The following SNTG1 variants were observed in gnomAD, a reference collection of about 807,000 sequenced individuals.
The protein encoded by SNTG1 is gamma-1-syntrophin.
In SNTG1, 39 loss-of-function variants were observed where a neutral mutation model predicts 74.7. The ratio of observed to expected loss-of-function variants is 0.52; its 90% CI spans 0.40 to 0.68. The LOEUF (loss-of-function observed/expected upper bound fraction) is 0.68. SNTG1 is among the 30% of genes least tolerant of loss of function. SNTG1 has a pLI of 0.00. For missense variants in SNTG1, 685 were observed against 609.5 expected, an observed-to-expected ratio of 1.12 and a Z score of -1.30; for synonymous variants, 254 against 217.1, an observed-to-expected ratio of 1.17 and a Z score of -1.49.
chr8:50,746,839 T>C (rs1216409894), intron 17 of SNTG1, among the ~76,000 whole-genome samples: 1 of 147,756 alleles, frequency 6.8e-6, no homozygotes, highest in Non-Finnish European at 1.5e-5. Context: ...ATATATATAA[T>C]ATATAATATA....
chr8:49,918,660 G>T (rs1049039464), intron 1 of SNTG1, among the ~76,000 whole-genome samples: 2 of 151,958 alleles, frequency 1.3e-5, no homozygotes, highest in African/African-American at 4.8e-5. Flanking sequence ...CCACACAACC[G>T]CACAAACACA....
intron 1 of SNTG1, among the ~76,000 whole-genome samples, chr8:49,912,696 A>G (rs12549981): frequency 0.5 from 76,261 of 152,002 alleles, 22,273 homozygotes; most frequent in East Asian, 0.83. Flanking sequence ...ACATGTATAC[A>G]TATACACCAG....
intron 11 of SNTG1, among the ~76,000 whole-genome samples, chr8:50,549,626 G>A (rs2094411872): frequency 6.6e-6 from 1 of 152,100 alleles, no homozygotes; most frequent in Admixed American, 6.6e-5. Context: ...AGCAAGATAT[G>A]TGAGTTATCA....
chr8:50,620,062 G>A (rs1231765536), intron 13 of SNTG1, among the ~76,000 whole-genome samples: 5 of 152,146 alleles, frequency 3.3e-5, no homozygotes, highest in Non-Finnish European at 2.9e-5. Context: ...GCTAATCCAG[G>A]TGTGGGCAGG....
chr8:50,748,827 A>T (rs959485134), intron 17 of SNTG1, among the ~76,000 whole-genome samples: 3 of 152,028 alleles, frequency 2.0e-5, no homozygotes, highest in African/African-American at 7.2e-5. Context: ...AACCAAAAAG[A>T]TGTGTGTTCT....
intron 8 of SNTG1, among the ~76,000 whole-genome samples, chr8:50,467,795 T>C (rs111616574): frequency 0.018 from 2,750 of 152,056 alleles, 96 homozygotes; most frequent in African/African-American, 0.063. Flanking sequence ...CTCTAAGCAC[T>C]GCTTTGCCTG....
intron 2 of SNTG1, among the ~76,000 whole-genome samples, chr8:50,316,701 A>G (rs2090329805): frequency 6.6e-6 from 1 of 152,296 alleles, no homozygotes; most frequent in Non-Finnish European, 1.5e-5. Flanking sequence ...ATGTAATTCT[A>G]ATCTAGATAA....
chr8:50,036,897 C>A (rs1328936131), intron 1 of SNTG1, among the ~76,000 whole-genome samples: 1 of 152,132 alleles, frequency 6.6e-6, no homozygotes, highest in Non-Finnish European at 1.5e-5. Flanking sequence ...GGATTACACA[C>A]TTAAGAAATA....
intron 15 of SNTG1, among the ~76,000 whole-genome samples, chr8:50,660,404 A>T (rs2095214712): frequency 8.5e-5 from 1 of 11,704 alleles, no homozygotes; most frequent in South Asian, 2.5e-3. Context: ...AAAAAGAGAA[A>T]GAAAGAAAAG....
At chr8:50,334,719 T>C (rs28480358) in intron 2 of SNTG1, among the ~76,000 whole-genome samples, 9,945 of 152,246 alleles carry the variant, frequency 0.065, 354 homozygotes, top group African/African-American at 0.072. Context: ...ATCAAATTTC[T>C]TTATAAAATA....
intron 1 of SNTG1, among the ~76,000 whole-genome samples, chr8:49,970,816 C>A (rs935599433): frequency 6.6e-6 from 1 of 152,152 alleles, no homozygotes; most frequent in Non-Finnish European, 1.5e-5. Context: ...GATGCCAGAT[C>A]TAAGCAAAGC....
rs1317746325 is a variant in SNTG1, at chr8:50,602,749, T to C, written c.849+11832T>C. Among the ~76,000 whole-genome samples the C allele has an allele frequency of 2.6e-5, 4 of 152,222 alleles. No individual in the cohort carries two copies. The East Asian group carries it at 7.7e-4, about 29-fold the overall frequency. On this transcript the variant is annotated intron_variant, in intron 13 of 18. Transcript: ENST00000642720. ...TGGGAAGGTCTTTATTTCTTCCTCA[T>C]GCTTAATGCATATTTTCACTGGATA... is the stretch of plus-strand genomic sequence containing the variant.
intron 2 of SNTG1, among the ~76,000 whole-genome samples, chr8:50,348,259 G>T (rs2091541428): frequency 6.6e-6 from 1 of 152,094 alleles, no homozygotes; most frequent in Non-Finnish European, 1.5e-5. Context: ...ATGAGGGGTG[G>T]TTGAGTGGTT....
At chr8:50,076,177 G>A (rs1443688600) in intron 1 of SNTG1, among the ~76,000 whole-genome samples, 1 of 152,172 alleles carries the variant, frequency 6.6e-6, no homozygotes, top group African/African-American at 2.4e-5. Context: ...CAAAAGGTTG[G>A]CATTGATGTG....
At chr8:50,393,319 A>C (rs994331590) in intron 2 of SNTG1, among the ~76,000 whole-genome samples, 6 of 152,160 alleles carry the variant, frequency 3.9e-5, no homozygotes, top group African/African-American at 1.4e-4. Context: ...TTAATCTTGT[A>C]TAATTAAAAA....
chr8:50,472,010 T>G (rs1316090771), intron 8 of SNTG1, among the ~76,000 whole-genome samples: 2 of 152,114 alleles, frequency 1.3e-5, no homozygotes, highest in Non-Finnish European at 2.9e-5. Context: ...AAAATATTTT[T>G]ACATAGAAAA....
intron 2 of SNTG1, among the ~76,000 whole-genome samples, chr8:50,272,805 T>C (rs1376091850): frequency 6.6e-6 from 1 of 151,696 alleles, no homozygotes; most frequent in Non-Finnish European, 1.5e-5. Flanking sequence ...GGCACAATCA[T>C]AGCTCATGGT....
intron 1 of SNTG1, among the ~76,000 whole-genome samples, chr8:49,983,603 C>G (rs1332460737): frequency 1.3e-5 from 2 of 152,102 alleles, no homozygotes; most frequent in African/African-American, 4.8e-5. Context: ...CCTAAACACC[C>G]AATAATTCAC....
chr8:50,155,327 AT>A (rs1200443433), intron 1 of SNTG1, among the ~76,000 whole-genome samples: 1 of 152,198 alleles, frequency 6.6e-6, no homozygotes, highest in African/African-American at 2.4e-5. Flanking sequence ...TAAGAAAAGG[AT>A]TATCTAAAAA....
Sources: allele counts gnomAD v4.1 joint callset (sites outside exome capture counted in the v4.1 genomes callset), GRCh38; gene constraint gnomAD v4.1.1; transcripts MANE v1.5; gene names NCBI Gene and HGNC (gene_info 2026-07-23, HGNC 2026-07-21).